ARHGAP6: variants seen among roughly 807,000 people sequenced by gnomAD.
The protein encoded by ARHGAP6 is Rho GTPase activating protein 6.
Under a neutral mutation model 55.7 loss-of-function variants are expected in ARHGAP6, and 16 were observed. The observed-to-expected ratio is 0.29, with a 90% CI of 0.19 to 0.44. The LOEUF is 0.44. Ranked by LOEUF, ARHGAP6 falls within the 20% of genes least tolerant of loss-of-function variation. The pLI is 1.00. For synonymous variants in ARHGAP6, 382 were observed against 360.9 expected (o/e 1.06, Z -0.66); for missense variants, 698 against 808.9 (o/e 0.86, Z 1.66).
intron 1 of ARHGAP6, among the ~76,000 whole-genome samples, chrX:11,603,169 G>A (rs746051893): frequency 4.8e-4 from 53 of 111,435 alleles, no homozygotes; most frequent in African/African-American, 1.5e-3. Flanking sequence ...CCATCTCACC[G>A]GTAGTGGCTC....
At chrX:11,165,537 A>T (rs1471461707) in intron 9 of ARHGAP6, among the ~76,000 whole-genome samples, 1 of 111,719 alleles carries the variant, frequency 9.0e-6, no homozygotes, top group African/African-American at 3.3e-5. Flanking sequence ...TTAATGCCTA[A>T]TATATGTTAA....
chrX:11,413,481 G>A (rs750208787), intron 1 of ARHGAP6, among the ~76,000 whole-genome samples: 57 of 112,356 alleles, frequency 5.1e-4, no homozygotes, highest in African/African-American at 1.7e-3. Flanking sequence ...TGCATTGGCA[G>A]GACCCAGAGA....
chrX:11,329,780 C>A (rs1313369967), intron 1 of ARHGAP6, among the ~76,000 whole-genome samples: 6 of 112,440 alleles, frequency 5.3e-5, no homozygotes, highest in Middle Eastern at 4.6e-3. Context: ...AAACCTACTA[C>A]ACACCTAGGC....
chrX:11,647,115 G>A (rs1481087393), intron 1 of ARHGAP6, among the ~76,000 whole-genome samples: 1 of 112,123 alleles, frequency 8.9e-6, no homozygotes, highest in Non-Finnish European at 1.9e-5. Context: ...GTTCTCTAGA[G>A]ATGTTAACGT....
chrX:11,470,486 A>G (rs1414377998), intron 1 of ARHGAP6, among the ~76,000 whole-genome samples: 1 of 112,606 alleles, frequency 8.9e-6, no homozygotes, highest in Non-Finnish European at 1.9e-5. Flanking sequence ...AGCAAAGAAA[A>G]TATCAGCCTG....
chrX:11,210,841 A>T (rs2046782531), intron 2 of ARHGAP6, among the ~76,000 whole-genome samples: 1 of 112,480 alleles, frequency 8.9e-6, no homozygotes, highest in African/African-American at 3.2e-5. Context: ...ATTAATCTAG[A>T]AAATTGATTT....
intron 1 of ARHGAP6, among the ~76,000 whole-genome samples, chrX:11,518,644 T>A (rs796513218): frequency 2.2e-4 from 23 of 106,097 alleles, no homozygotes; most frequent in South Asian, 1.3e-3. Flanking sequence ...TTTTTTTTTT[T>A]AAATTATACT....
chrX:11,328,636 T>A (rs1239587975), intron 1 of ARHGAP6, among the ~76,000 whole-genome samples: 1 of 112,487 alleles, frequency 8.9e-6, no homozygotes, highest in African/African-American at 3.2e-5. Flanking sequence ...CTGTCAAGGA[T>A]TAATGATGTA....
intron 1 of ARHGAP6, chrX:11,351,611 T>C (rs2048864786): frequency 1.3e-6 from 1 of 750,399 alleles, no homozygotes; most frequent in Non-Finnish European, 1.6e-6. Flanking sequence ...GAGGACTCCA[T>C]TTCCCATAAA....
intron 1 of ARHGAP6, among the ~76,000 whole-genome samples, chrX:11,608,304 A>C (rs2052059503): frequency 8.9e-6 from 1 of 112,070 alleles, no homozygotes; most frequent in Admixed American, 9.4e-5. Flanking sequence ...TCAAAATATA[A>C]AAATAATTTT....
chrX:11,636,552 G>A (rs2052422510), intron 1 of ARHGAP6, among the ~76,000 whole-genome samples: 1 of 110,917 alleles, frequency 9.0e-6, no homozygotes. Context: ...GAGTTTGTAG[G>A]ATGAAAAAAG....
chrX:11,318,335 T>C (rs2048384516), intron 1 of ARHGAP6, among the ~76,000 whole-genome samples: 1 of 112,294 alleles, frequency 8.9e-6, no homozygotes, highest in Non-Finnish European at 1.9e-5. Flanking sequence ...TATCTTTGCT[T>C]ATAACAGCAA....
intron 2 of ARHGAP6, among the ~76,000 whole-genome samples, chrX:11,222,250 C>A (rs1030627257): frequency 9.0e-6 from 1 of 111,668 alleles, no homozygotes. Flanking sequence ...TCTGTAGAGA[C>A]GATGGAGACA....
rs1446582034 is a variant in ARHGAP6, at chrX:11,665,259, C to G, written c.-431G>C. 3 of 120,097 alleles carry G rather than the reference C, an allele frequency of 2.5e-5. No homozygotes were observed. Among genetic ancestry groups the G allele is most frequent in the Non-Finnish European group, 5.1e-5 (3 of 58,398 alleles). 9.9% of individuals were successfully genotyped at this position (120,097 alleles called of 1,213,427 possible). On this transcript the variant is annotated 5_prime_UTR_variant, in exon 1 of 13. Coordinates refer to ENST00000337414, the MANE Select transcript of ARHGAP6 (RefSeq NM_013427.3). ...CCTCTAAGACTCCAGCAAGCTCCTC[C>G]TTGCGGCCCGAGGACAGTCCCGAGG...
intron 1 of ARHGAP6, among the ~76,000 whole-genome samples, chrX:11,599,515 T>C (rs1021300150): frequency 5.4e-5 from 6 of 111,913 alleles, no homozygotes; most frequent in Admixed American, 1.9e-4. Context: ...TTTTGGACAT[T>C]ATGGTAAATG....
At chrX:11,364,734 G>A (rs1229633918) in intron 1 of ARHGAP6, among the ~76,000 whole-genome samples, 1 of 111,581 alleles carries the variant, frequency 9.0e-6, no homozygotes, top group East Asian at 2.8e-4. Context: ...ATAATTCCCT[G>A]GGGAATTATA....
intron 1 of ARHGAP6, among the ~76,000 whole-genome samples, chrX:11,445,938 GT>G (rs1367000974): frequency 1.8e-5 from 2 of 111,303 alleles, no homozygotes; most frequent in East Asian, 5.6e-4. Context: ...ATGCCCTGTG[GT>G]TGGTTCAGAA....
chrX:11,449,115 A>C (rs1194320423), intron 1 of ARHGAP6, among the ~76,000 whole-genome samples: 2 of 111,542 alleles, frequency 1.8e-5, no homozygotes, highest in Non-Finnish European at 1.9e-5. Flanking sequence ...GCCAGCTGAG[A>C]CACCACCTTT....
At chrX:11,646,468 T>C (rs1043508859) in intron 1 of ARHGAP6, among the ~76,000 whole-genome samples, 3 of 111,161 alleles carry the variant, frequency 2.7e-5, no homozygotes, top group Non-Finnish European at 5.7e-5. Context: ...CAATAAGAAA[T>C]GTGTTCAAGA....
Sources: gnomAD v4.1 joint callset for allele counts (sites outside exome capture counted in the v4.1 genomes callset) on GRCh38, gnomAD v4.1.1 for gene constraint, MANE v1.5 for transcripts, NCBI Gene and HGNC (gene_info 2026-07-23, HGNC 2026-07-21) for gene names.